The following FOXN3 variants were observed in gnomAD, a reference collection of about 807,000 sequenced individuals.
FOXN3 encodes the protein forkhead box protein N3.
In FOXN3, 7 loss-of-function variants were observed where a neutral mutation model predicts 38.4. The ratio of observed to expected loss-of-function variants is 0.18; its 90% confidence interval spans 0.10 to 0.34. The LOEUF (loss-of-function observed/expected upper bound fraction) is 0.34, where lower values mean the gene tolerates loss of function less well. Among genes scored for constraint, FOXN3 ranks in the 10% least tolerant of loss-of-function variants. The probability of loss-of-function intolerance (pLI) is 1.00; values close to 1 mark genes in which losing one functional copy is unlikely to be tolerated. For missense variants in FOXN3, 456 were observed against 613.4 expected, an observed-to-expected ratio of 0.74 and a Z score of 2.71; for synonymous variants, 230 against 242.2, an observed-to-expected ratio of 0.95 and a Z score of 0.47.
At chr14:89,439,098 T>G (rs1892327423) in intron 1 of FOXN3, among the ~76,000 whole-genome samples, 1 of 152,026 alleles carries the variant, frequency 6.6e-6, no homozygotes, top group Non-Finnish European at 1.5e-5. Flanking sequence ...CCTGCCAAAT[T>G]GAATAGGCTT....
At chr14:89,421,323 A>AT (rs1382684047), upstream of FOXN3, among the ~76,000 whole-genome samples, 1 of 148,856 alleles carries the variant, frequency 6.7e-6, no homozygotes, top group Non-Finnish European at 1.5e-5. Flanking sequence ...CTAATTTTGT[A>AT]TTTTTATAGA....
chr14:89,350,028 G>T (rs1305410729), intron 3 of FOXN3, among the ~76,000 whole-genome samples: 1 of 151,990 alleles, frequency 6.6e-6, no homozygotes. Context: ...GCTCTCTTTT[G>T]GAATCTAACA....
At chr14:89,567,678 A>G (rs1895390194) in intron 1 of FOXN3, among the ~76,000 whole-genome samples, 1 of 151,504 alleles carries the variant, frequency 6.6e-6, no homozygotes, top group Non-Finnish European at 1.5e-5. Context: ...ACAGTTACCT[A>G]TTAGCTTCAA....
intron 1 of FOXN3, among the ~76,000 whole-genome samples, chr14:89,501,907 T>A (rs1893809379): frequency 1.3e-5 from 2 of 151,994 alleles, no homozygotes; most frequent in South Asian, 4.1e-4. Flanking sequence ...GGCTCACACC[T>A]GTAATCCCAG....
chr14:89,360,778 CCACCACCTCCACCACCACCACCTCCAG>C (rs1566966475), intron 2 of FOXN3, among the ~76,000 whole-genome samples: 56 of 24,878 alleles, frequency 2.3e-3, no homozygotes, highest in Middle Eastern at 0.031. Flanking sequence ...ACCACCTCCA[CCACCACCTCCACCACCACCACCTCCAG>C]CACCACCTCC....
chr14:89,333,986 A>ATATATCTATATATATC (rs1566959315), intron 3 of FOXN3, among the ~76,000 whole-genome samples: 2 of 115,552 alleles, frequency 1.7e-5, no homozygotes, highest in African/African-American at 7.8e-5. Flanking sequence ...ATATATATAT[A>ATATATCTATATATATC]TATATATATA....
At chr14:89,317,672 A>C (rs1461482236) in intron 3 of FOXN3, among the ~76,000 whole-genome samples, 1 of 151,506 alleles carries the variant, frequency 6.6e-6, no homozygotes, top group Non-Finnish European at 1.5e-5. Context: ...GGAGTTTGGC[A>C]CCTTTGATTG....
intron 4 of FOXN3, among the ~76,000 whole-genome samples, chr14:89,182,973 C>T (rs918194829): frequency 8.5e-5 from 13 of 152,198 alleles, no homozygotes; most frequent in Non-Finnish European, 1.6e-4. Flanking sequence ...ATGGATCATA[C>T]ACCTAAATGT....
intron 4 of FOXN3, among the ~76,000 whole-genome samples, chr14:89,198,814 T>C (rs1424894232): frequency 6.6e-6 from 1 of 152,228 alleles, no homozygotes; most frequent in Non-Finnish European, 1.5e-5. Flanking sequence ...AGCTCACAGA[T>C]ACATGTGGTA....
At chr14:89,606,688 A>C (rs190314239) in intron 1 of FOXN3, among the ~76,000 whole-genome samples, 3 of 152,248 alleles carry the variant, frequency 2.0e-5, no homozygotes, top group Admixed American at 2.0e-4. Flanking sequence ...CAACTCTACC[A>C]AAAGTATAAA....
intron 1 of FOXN3, among the ~76,000 whole-genome samples, chr14:89,569,062 G>A (rs956463867): frequency 2.0e-5 from 3 of 152,110 alleles, no homozygotes; most frequent in Admixed American, 6.5e-5. Context: ...AATATTAGCC[G>A]GGCGTGGTGG....
chr14:89,343,489 TA>T (rs5810455), intron 3 of FOXN3, among the ~76,000 whole-genome samples: 8 of 145,740 alleles, frequency 5.5e-5, no homozygotes, highest in African/African-American at 7.5e-5. Flanking sequence ...ACATTTAAAT[TA>T]AAAAAAAAAA....
intron 3 of FOXN3, among the ~76,000 whole-genome samples, chr14:89,331,479 A>G (rs1888245633): frequency 8.9e-6 from 1 of 111,836 alleles, no homozygotes; most frequent in Admixed American, 1.1e-4. Flanking sequence ...TGTTTCCCTG[A>G]GTGTTGCTTT....
intron 4 of FOXN3, among the ~76,000 whole-genome samples, chr14:89,192,279 T>C (rs941671053): frequency 1.2e-4 from 17 of 146,148 alleles, no homozygotes; most frequent in African/African-American, 4.0e-4. Flanking sequence ...TAAGTACTTA[T>C]ATATACTATA....
At chr14:89,186,234 C>A (rs1011623151) in intron 4 of FOXN3, among the ~76,000 whole-genome samples, 3 of 152,148 alleles carry the variant, frequency 2.0e-5, no homozygotes, top group African/African-American at 7.2e-5. Flanking sequence ...TGTCTTCCCT[C>A]TGCTGTGCCT....
In FOXN3 at chr14:89,156,285, G is replaced by A. The variant is rs1348642921; in HGVS notation, c.*6129C>T. On this transcript the variant is annotated 3_prime_UTR_variant, in exon 6 of 6. Coordinates refer to ENST00000557258, the MANE Select transcript of FOXN3 (RefSeq NM_005197.4). The stretch of plus-strand genomic sequence containing the variant: ...AAAAGTGTTATTTACAATAAATGAT[G>A]AAATAGTTTGTCTTTGGCAATATGA... 2.0e-5 allele frequency: 3 copies of A among 152,604 alleles called. No homozygotes were observed. The highest frequency in any genetic ancestry group is 7.2e-5 in the African/African-American group (3 of 41,432). 9.5% of individuals were successfully genotyped at this position (152,604 alleles called of 1,614,324 possible).
chr14:89,359,218 C>T (rs1008746892), intron 2 of FOXN3, among the ~76,000 whole-genome samples: 15 of 151,946 alleles, frequency 9.9e-5, no homozygotes, highest in Non-Finnish European at 1.9e-4. Context: ...ATCGCTTGAA[C>T]CCAGGAGGTG....
At chr14:89,302,176 G>A (rs1035736106) in intron 3 of FOXN3, among the ~76,000 whole-genome samples, 1 of 152,166 alleles carries the variant, frequency 6.6e-6, no homozygotes, top group Non-Finnish European at 1.5e-5. Flanking sequence ...TCGATGCTTC[G>A]AGAAAAACTA....
At chr14:89,365,100 C>T (rs939587344) in intron 2 of FOXN3, among the ~76,000 whole-genome samples, 39 of 152,154 alleles carry the variant, frequency 2.6e-4, no homozygotes, top group African/African-American at 9.2e-4. Context: ...GCAGAATTTC[C>T]CCGAGCTTCC....
Sources: gnomAD v4.1 joint callset for allele counts (sites outside exome capture counted in the v4.1 genomes callset) on GRCh38, gnomAD v4.1.1 for gene constraint, MANE v1.5 for transcripts, NCBI Gene and HGNC (gene_info 2026-07-23, HGNC 2026-07-21) for gene names.